Variants in ANKRD36 observed in about 807,000 individuals in gnomAD.
The protein encoded by ANKRD36 is ankyrin repeat domain-containing protein 36A.
ANKRD36 carries 179 observed loss-of-function variants against 278.1 expected under a neutral mutation model. The ratio of observed to expected loss-of-function variants is 0.64; its 90% CI spans 0.57 to 0.73. The LOEUF is 0.73. ANKRD36 is among the 30% of genes least tolerant of loss of function. ANKRD36 has a pLI of 0.00. For missense variants in ANKRD36, 1,159 were observed against 1,956.7 expected, an observed-to-expected ratio of 0.59 and a Z score of 7.69; for synonymous variants, 320 against 641.1, an observed-to-expected ratio of 0.50 and a Z score of 7.57.
intron 24 of ANKRD36, among the ~76,000 whole-genome samples, chr2:97,181,196 T>A (rs2056103706): frequency 6.6e-6 from 1 of 151,694 alleles, no homozygotes; most frequent in South Asian, 2.1e-4. Context: ...GATGAATGTT[T>A]GAAGTATAAT....
chr2:97,156,527 A>G (rs1204450690), intron 15 of ANKRD36, among the ~76,000 whole-genome samples: 5 of 135,886 alleles, frequency 3.7e-5, no homozygotes, highest in Admixed American at 2.2e-4. Context: ...AATTTCACCC[A>G]TGTCCCTACA....
intron 66 of ANKRD36, among the ~76,000 whole-genome samples, chr2:97,220,359 C>G (rs1425175643): frequency 2.5e-4 from 37 of 149,728 alleles, no homozygotes; most frequent in Admixed American, 1.9e-3. Context: ...ATAGTTTGTA[C>G]TTATTAAGCA....
intron 42 of ANKRD36, among the ~76,000 whole-genome samples, chr2:97,197,735 CT>C (rs1291097575): frequency 3.3e-5 from 5 of 151,914 alleles, no homozygotes; most frequent in Admixed American, 3.3e-4. Flanking sequence ...AGCTGTTTTA[CT>C]TTGTATAGGT....
At chr2:97,185,586 G>C in intron 30 of ANKRD36, 76 bp downstream of exon 30, 2 of 1,516,146 alleles carry the variant, frequency 1.3e-6, no homozygotes, top group Non-Finnish European at 1.8e-6. Context: ...ATAAATCAGC[G>C]GGGGGCTCGT....
rs186146855 is a variant in ANKRD36 at position 97,202,751 on chromosome 2, T to C, written c.2959+358T>C. On this transcript the variant is annotated intron_variant, in intron 48 of 75. Coordinates refer to ENST00000420699, the MANE Select transcript of ANKRD36 (RefSeq NM_001354587.1). ...CGATTTTACAGACGTCACATCGTAC[T>C]GCTAAAAACAGACAGAAAACTTCTT... is the stretch of plus-strand genomic sequence containing the variant. Among the ~76,000 whole-genome samples the C allele has an allele frequency of 8.6e-5, 13 of 151,914 alleles. No homozygotes were observed. In the East Asian group the frequency reaches 2.5e-3, roughly 30 times the overall value.
Position 97,207,564 on chromosome 2 carries a change from A to G in ANKRD36, c.3164-247A>G, listed in dbSNP as rs1459568755. ...TCCACGTTGATATTGACACGGTTTT[A>G]TTTTAGTTTTTCACATATGACAAAT... On this transcript the variant is annotated intron_variant, in intron 52 of 75. Transcript: ENST00000420699. 4.0e-5 allele frequency among the ~76,000 whole-genome samples: 6 copies of G among 151,590 alleles called. 1 individual carries two copies. The Admixed American group carries it at 4.0e-4, about 10-fold the overall frequency.
intron 54 of ANKRD36, among the ~76,000 whole-genome samples, chr2:97,208,966 G>T (rs947428142): frequency 1.4e-5 from 2 of 146,678 alleles, no homozygotes; most frequent in African/African-American, 5.3e-5. Flanking sequence ...GTAGACGTAT[G>T]TCAAAGTTGA....
intron 22 of ANKRD36, among the ~76,000 whole-genome samples, chr2:97,174,944 A>G (rs1398740075): frequency 1.4e-5 from 2 of 145,612 alleles, no homozygotes; most frequent in African/African-American, 2.5e-5. Context: ...ATTTGCATAT[A>G]TTGAACCAGC....
intron 46 of ANKRD36, 94 bp from the exon 47 acceptor site, chr2:97,202,108 A>C: frequency 1.3e-6 from 2 of 1,583,854 alleles, no homozygotes; most frequent in Non-Finnish European, 1.7e-6. Flanking sequence ...TAATACAGGC[A>C]GGAGGACAGA....
intron 15 of ANKRD36, among the ~76,000 whole-genome samples, chr2:97,156,342 G>A (rs2047429914): frequency 6.9e-6 from 1 of 144,950 alleles, no homozygotes; most frequent in Admixed American, 6.8e-5. Context: ...CTAGCATCAG[G>A]TATATCTCCC....
At chr2:97,151,489 A>G in intron 12 of ANKRD36, among the ~76,000 whole-genome samples, 1 of 152,310 alleles carries the variant, frequency 6.6e-6, no homozygotes, top group Non-Finnish European at 1.5e-5. Flanking sequence ...TCGCACAAAC[A>G]TACATCATGC....
chr2:97,200,171 G>T (rs1449590320), intron 44 of ANKRD36, among the ~76,000 whole-genome samples, 163 bp from the exon 45 acceptor site: 1 of 151,818 alleles, frequency 6.6e-6, no homozygotes. Flanking sequence ...CCTTTTTTCA[G>T]TGTATTTCTG....
At chr2:97,199,737 T>G (rs551785136) in intron 44 of ANKRD36, among the ~76,000 whole-genome samples, 14 of 152,016 alleles carry the variant, frequency 9.2e-5, no homozygotes, top group South Asian at 8.4e-4. Flanking sequence ...TCAGGCAAAT[T>G]ATTACACTAC....
In ANKRD36 at chr2:97,189,777, G is replaced by A. The variant is rs558891848; in HGVS notation, c.2245+487G>A. 4.9e-5 allele frequency among the ~76,000 whole-genome samples: 4 copies of A among 82,384 alleles called. No homozygotes were observed. The South Asian group carries it at 1.1e-3, about 24-fold the overall frequency. The allele number at this position is 82,384 out of a possible 152,430, so 54.0% of individuals were successfully genotyped here. A position where few individuals can be genotyped will look rare whatever the true frequency, so the allele number is the denominator to read the frequency against. On this transcript the variant is annotated intron_variant, in intron 34 of 75. Transcript: ENST00000420699. ...AGGAAGATGGATTGTCAGACAGGAA[G>A]GAGGGAAAAGAAGTTATTTATATAA... is the stretch of plus-strand genomic sequence containing the variant.
chr2:97,177,031 C>G (rs1324273075), intron 22 of ANKRD36, among the ~76,000 whole-genome samples: 1 of 151,156 alleles, frequency 6.6e-6, no homozygotes, highest in Non-Finnish European at 1.5e-5. Context: ...TATACACCAA[C>G]AACAGACAAA....
intron 54 of ANKRD36, among the ~76,000 whole-genome samples, chr2:97,208,490 G>A (rs1463428746): frequency 1.4e-5 from 2 of 146,324 alleles, no homozygotes; most frequent in East Asian, 2.0e-4. Flanking sequence ...TGTGAAAAGA[G>A]GAAGTCATTT....
rs375673718 is a variant in ANKRD36, at chr2:97,204,185, A to G, written c.2989-6A>G. On this transcript the variant is annotated splice_region_variant and splice_polypyrimidine_tract_variant and intron_variant, in intron 49 of 75. Coordinates refer to ENST00000420699, the MANE Select transcript of ANKRD36 (RefSeq NM_001354587.1). ...AATTTATTATTTCATTTCAAATTCC[A>G]TTCAGGCTACAAGTGATGAGAAAGA... 830 of 1,583,108 alleles carry G rather than the reference A, an allele frequency of 5.2e-4. No individual in the cohort carries two copies. In the East Asian group the frequency reaches 0.012, roughly 22 times the overall value.
intron 67 of ANKRD36, among the ~76,000 whole-genome samples, chr2:97,230,926 T>A (rs1212057974): frequency 1.2e-4 from 18 of 152,202 alleles, no homozygotes; most frequent in African/African-American, 3.6e-4. Context: ...TCTGCCTGGG[T>A]ATCAGCAGTG....
chr2:97,194,349 A>C (rs925826050), intron 38 of ANKRD36, among the ~76,000 whole-genome samples: 1 of 151,664 alleles, frequency 6.6e-6, no homozygotes, highest in East Asian at 2.0e-4. Context: ...GATTTGTTGC[A>C]TGAAAGACAT....
Sources: allele counts gnomAD v4.1 joint callset (sites outside exome capture counted in the v4.1 genomes callset), GRCh38; gene constraint gnomAD v4.1.1; transcripts MANE v1.5; gene names NCBI Gene and HGNC (gene_info 2026-07-23, HGNC 2026-07-21).